RHBDL2: variants seen among roughly 807,000 people sequenced by gnomAD.
The protein encoded by RHBDL2 is rhomboid-related protein 2.
In RHBDL2, 26 loss-of-function variants were observed where a neutral mutation model predicts 31.7. The observed-to-expected ratio is 0.82, with a 90% CI of 0.60 to 1.14. The LOEUF is 1.14. Among genes scored for constraint, RHBDL2 ranks in the 50% most tolerant of loss-of-function variants. RHBDL2 has a pLI of 0.00. For synonymous variants in RHBDL2, 123 were observed against 127.2 expected, an observed-to-expected ratio of 0.97 and a Z score of 0.22; for missense variants, 336 against 364.4, an observed-to-expected ratio of 0.92 and a Z score of 0.63.
chr1:38,915,542 G>A lies in RHBDL2; in HGVS notation c.395+20C>T, dbSNP rs1184489296. 1 of 1,612,736 alleles carries A rather than the reference G, an allele frequency of 6.2e-7. No individual in the cohort carries two copies. The highest frequency in any genetic ancestry group is 8.5e-7 in the Non-Finnish European group (1 of 1,179,038). The stretch of plus-strand genomic sequence containing the variant: ...GATATAATCACCTCTGATACCAGGG[G>A]CTTAACTATCATTGCTTACCCAGCA... On this transcript the variant is annotated intron_variant, in intron 3 of 7. Coordinates refer to ENST00000372990, the MANE Select transcript of RHBDL2 (RefSeq NM_017821.5).
At chr1:38,913,837 G>A (rs565170521) in intron 3 of RHBDL2, among the ~76,000 whole-genome samples, 4 of 152,262 alleles carry the variant, frequency 2.6e-5, no homozygotes, top group Non-Finnish European at 4.4e-5. Flanking sequence ...AACTATAGGC[G>A]GCCGGGCACA....
At chr1:38,897,783 C>A (rs1436618475) in intron 4 of RHBDL2, among the ~76,000 whole-genome samples, 2 of 152,144 alleles carry the variant, frequency 1.3e-5, no homozygotes, top group Non-Finnish European at 1.5e-5. Flanking sequence ...ACTTAGAGAA[C>A]TGGAAAAGCA....
intron 6 of RHBDL2, among the ~76,000 whole-genome samples, chr1:38,892,296 G>T (rs190482210): frequency 1.5e-4 from 23 of 152,020 alleles, no homozygotes; most frequent in Admixed American, 1.3e-3. Context: ...AGGAAGAAAA[G>T]AGATTATATC....
rs558866953 is a variant in RHBDL2 at position 38,907,235 on chromosome 1, T to C, written c.508+4087A>G. Among the ~76,000 whole-genome samples, 12 of 152,318 alleles carry C rather than the reference T, an allele frequency of 7.9e-5. No homozygotes were observed. The South Asian group carries it at 8.3e-4, about 11-fold the overall frequency. ...AACAAAACAAACCTCAAACTCAAAA[T>C]GGGTTGCATATTTAAAAGTAAAGGC... On this transcript the variant is annotated intron_variant, in intron 4 of 7. Coordinates refer to ENST00000372990, the MANE Select transcript of RHBDL2 (RefSeq NM_017821.5).
chr1:38,911,185 G>T (rs1396649372), intron 4 of RHBDL2, 137 bp downstream of exon 4: 1 of 590,834 alleles, frequency 1.7e-6, no homozygotes, highest in Non-Finnish European at 3.0e-6. Context: ...GATCTCTAAG[G>T]CTTAATGTGT....
intron 4 of RHBDL2, among the ~76,000 whole-genome samples, chr1:38,896,911 A>C (rs1426313084): frequency 3.3e-5 from 5 of 152,162 alleles, no homozygotes; most frequent in Non-Finnish European, 5.9e-5. Flanking sequence ...TGCAAGAAAA[A>C]GTGTCTGTCC....
chr1:38,918,885 CTCTAGA>C (rs1643272429), intron 2 of RHBDL2, 76 bp downstream of exon 2: 1 of 1,519,804 alleles, frequency 6.6e-7, no homozygotes, highest in African/African-American at 1.4e-5. Context: ...CCAGTCTCTT[CTCTAGA>C]TCTAGATCTG....
intron 1 of RHBDL2, among the ~76,000 whole-genome samples, chr1:38,921,899 A>G (rs942319653): frequency 6.6e-6 from 1 of 152,268 alleles, no homozygotes; most frequent in African/African-American, 2.4e-5. Context: ...AATTAGGGAC[A>G]GTTCACATTG....
At chr1:38,920,167 T>C (rs906424288) in intron 1 of RHBDL2, among the ~76,000 whole-genome samples, 5 of 3,304 alleles carry the variant, frequency 1.5e-3, no homozygotes, top group Admixed American at 7.6e-3. Context: ...ACATGTTTTC[T>C]TTTTTTTTTT....
chr1:38,927,198 C>T (rs532775389), intron 1 of RHBDL2, among the ~76,000 whole-genome samples: 3 of 152,202 alleles, frequency 2.0e-5, no homozygotes, highest in Non-Finnish European at 2.9e-5. Context: ...AAGGCCAAGG[C>T]GGGTGGATCA....
In RHBDL2 at chr1:38,917,612, G is replaced by GA. The variant is rs201352188; in HGVS notation, c.246+1354dup. Among the ~76,000 whole-genome samples the GA allele has an allele frequency of 6.9e-3, 1,044 of 152,166 alleles. 13 individuals are homozygous for GA. The highest frequency in any genetic ancestry group is 0.023 in the African/African-American group (935 of 41,512). Reference sequence around the variant, plus strand: ...AGAAGGATAACAGGAAGGAGAAGCAGAAAAAACAGATACAGATGTCTCAGA... The same window carrying GA: ...AGAAGGATAACAGGAAGGAGAAGCAGAAAAAAACAGATACAGATGTCTCAGA... On this transcript the variant is annotated intron_variant, in intron 2 of 7. Transcript: ENST00000372990.
intron 4 of RHBDL2, among the ~76,000 whole-genome samples, chr1:38,898,580 T>C (rs1351689823): frequency 6.6e-6 from 1 of 152,106 alleles, no homozygotes; most frequent in Non-Finnish European, 1.5e-5. Context: ...AGGGAATCAG[T>C]TATTAATAGA....
intron 2 of RHBDL2, among the ~76,000 whole-genome samples, chr1:38,916,438 G>A (rs1226768914): frequency 6.6e-6 from 1 of 152,162 alleles, no homozygotes; most frequent in East Asian, 1.9e-4. Context: ...GCAGCTAAAT[G>A]GAGTGGGTAC....
At chr1:38,888,897 G>A (rs1299268802) in intron 6 of RHBDL2, among the ~76,000 whole-genome samples, 1 of 152,102 alleles carries the variant, frequency 6.6e-6, no homozygotes, top group Non-Finnish European at 1.5e-5. Flanking sequence ...TGGTAAAGTT[G>A]TTTCCAACAA....
At chr1:38,888,794 C>CTGTCTT (rs1553157559) in intron 6 of RHBDL2, among the ~76,000 whole-genome samples, 2 of 151,212 alleles carry the variant, frequency 1.3e-5, no homozygotes, top group Non-Finnish European at 3.0e-5. Flanking sequence ...ACTCAGCTTT[C>CTGTCTT]TGTTTTTGTT....
At chr1:38,900,733 A>G (rs1642978649) in intron 4 of RHBDL2, among the ~76,000 whole-genome samples, 4 of 152,020 alleles carry the variant, frequency 2.6e-5, no homozygotes, top group Admixed American at 2.6e-4. Flanking sequence ...CTCAAAAAAA[A>G]TAAGTAAATA....
chr1:38,897,567 T>G (rs1357907624), intron 4 of RHBDL2, among the ~76,000 whole-genome samples: 1 of 152,034 alleles, frequency 6.6e-6, no homozygotes, highest in Non-Finnish European at 1.5e-5. Flanking sequence ...AGAAAAATAT[T>G]AGCCAAGCAT....
chr1:38,925,383 A>G (rs1557621844), intron 1 of RHBDL2, among the ~76,000 whole-genome samples: 1 of 152,048 alleles, frequency 6.6e-6, no homozygotes, highest in Non-Finnish European at 1.5e-5. Flanking sequence ...CTGTAATCCC[A>G]GCTACTCGGG....
At chr1:38,898,268 CACTCCAGCCTGG>C (rs1401212018) in intron 4 of RHBDL2, among the ~76,000 whole-genome samples, 1 of 152,218 alleles carries the variant, frequency 6.6e-6, no homozygotes, top group East Asian at 1.9e-4. Context: ...CGCACCACTG[CACTCCAGCCTGG>C]TGACAGAATG....
Sources: gnomAD v4.1 joint callset for allele counts (sites outside exome capture counted in the v4.1 genomes callset) on GRCh38, gnomAD v4.1.1 for gene constraint, MANE v1.5 for transcripts, NCBI Gene and HGNC (gene_info 2026-07-23, HGNC 2026-07-21) for gene names.